Variants in TMEM232 observed in about 807,000 individuals in gnomAD.
TMEM232 encodes transmembrane protein 232.
In TMEM232, 80 loss-of-function variants were observed where a neutral mutation model predicts 78.8. The observed-to-expected ratio is 1.01, with a 90% CI of 0.85 to 1.22. The LOEUF (loss-of-function observed/expected upper bound fraction) is 1.22, where lower values mean the gene tolerates loss of function less well. TMEM232 is among the 50% of genes most tolerant of loss of function. TMEM232 has a pLI of 0.00. For missense variants in TMEM232, 881 were observed against 742.2 expected (o/e 1.19, Z -2.17); for synonymous variants, 297 against 254.3 (o/e 1.17, Z -1.60).
intron 11 of TMEM232, among the ~76,000 whole-genome samples, chr5:110,531,438 G>A (rs75966920): frequency 6.6e-6 from 1 of 152,080 alleles, no homozygotes; most frequent in South Asian, 2.1e-4. Flanking sequence ...TCCTCATACC[G>A]ACCAGCCCAA....
intron 1 of TMEM232, among the ~76,000 whole-genome samples, chr5:110,722,548 G>C (rs986802452): frequency 1.3e-5 from 2 of 152,172 alleles, no homozygotes; most frequent in Middle Eastern, 3.2e-3. Flanking sequence ...CGTCTCCTCA[G>C]AGCTTCCTGT....
At chr5:110,489,566 A>T (rs1216574253) in intron 12 of TMEM232, among the ~76,000 whole-genome samples, 1 of 152,150 alleles carries the variant, frequency 6.6e-6, no homozygotes, top group Non-Finnish European at 1.5e-5. Context: ...TAATGGTGAA[A>T]GACTGAAAGC....
chr5:110,726,001 T>G (rs1469280458), intron 1 of TMEM232, among the ~76,000 whole-genome samples: 3 of 152,006 alleles, frequency 2.0e-5, no homozygotes, highest in Non-Finnish European at 4.4e-5. Context: ...TACAGTCTTA[T>G]CCCCTCCTAG....
intron 12 of TMEM232, among the ~76,000 whole-genome samples, chr5:110,441,651 A>G (rs1346813093): frequency 1.3e-5 from 2 of 152,178 alleles, no homozygotes; most frequent in Admixed American, 1.3e-4. Flanking sequence ...CTTACTAGCT[A>G]ACTCTTAATT....
chr5:110,442,482 A>T (rs1580698612), intron 12 of TMEM232, among the ~76,000 whole-genome samples: 2 of 151,934 alleles, frequency 1.3e-5, no homozygotes, highest in Non-Finnish European at 2.9e-5. Flanking sequence ...AAATAATTTC[A>T]ATCTTTTTGT....
intron 1 of TMEM232, among the ~76,000 whole-genome samples, chr5:110,695,952 AT>A (rs975351524): frequency 2.6e-5 from 4 of 152,344 alleles, no homozygotes; most frequent in African/African-American, 9.6e-5. Context: ...AACTCATTTT[AT>A]GAGGCCAGCA....
chr5:110,662,322 A>G (rs1789912700), intron 2 of TMEM232, among the ~76,000 whole-genome samples: 2 of 152,156 alleles, frequency 1.3e-5, no homozygotes, highest in Non-Finnish European at 2.9e-5. Context: ...CAATACCTAT[A>G]TGAAAAAAGC....
chr5:110,409,149 G>C (rs1755899525), intron 2 of TMEM232, among the ~76,000 whole-genome samples: 1 of 152,180 alleles, frequency 6.6e-6, no homozygotes. Context: ...AAACAAATAT[G>C]AAGTGGCAGG....
chr5:110,472,098 G>A (rs1480340067), intron 12 of TMEM232, among the ~76,000 whole-genome samples: 1 of 151,926 alleles, frequency 6.6e-6, no homozygotes, highest in African/African-American at 2.4e-5. Flanking sequence ...TAGGAAAGGA[G>A]GAAGTCGAAC....
intron 2 of TMEM232, among the ~76,000 whole-genome samples, chr5:110,655,607 G>T (rs1266179700): frequency 6.8e-6 from 1 of 148,120 alleles, no homozygotes; most frequent in African/African-American, 2.5e-5. Context: ...ACATGCACAC[G>T]TATGTTTATT....
At chr5:110,571,464 A>G (rs1346992483) in intron 10 of TMEM232, among the ~76,000 whole-genome samples, 1 of 151,894 alleles carries the variant, frequency 6.6e-6, no homozygotes, top group Non-Finnish European at 1.5e-5. Flanking sequence ...TTATACAGAC[A>G]GAGAAGGGAA....
chr5:110,507,617 T>A (rs1392031148), intron 12 of TMEM232, among the ~76,000 whole-genome samples: 2 of 152,228 alleles, frequency 1.3e-5, no homozygotes, highest in African/African-American at 2.4e-5. Flanking sequence ...ATCACCTTGC[T>A]GACTGTTAAC....
intron 13 of TMEM232, among the ~76,000 whole-genome samples, chr5:110,421,256 C>T (rs143328781): frequency 3.3e-5 from 5 of 151,976 alleles, no homozygotes; most frequent in Admixed American, 2.6e-4. Flanking sequence ...AAGAATTTAT[C>T]TTAATTGGCC....
At chr5:110,524,852 T>G (rs1770335914) in intron 12 of TMEM232, among the ~76,000 whole-genome samples, 1 of 152,134 alleles carries the variant, frequency 6.6e-6, no homozygotes, top group Non-Finnish European at 1.5e-5. Flanking sequence ...TTTATAATTG[T>G]TATATCTTTC....
chr5:110,490,173 G>GAAAGAAAGAAAGAAAGAAAT (rs1764917737), intron 12 of TMEM232, among the ~76,000 whole-genome samples: 17 of 126,452 alleles, frequency 1.3e-4, no homozygotes, highest in African/African-American at 5.7e-4. Context: ...AAGAAAGAAA[G>GAAAGAAAGAAAGAAAGAAAT]AAAGAAAGAA....
chr5:110,732,086 GC>G (rs1368737865), intron 2 of TMEM232, among the ~76,000 whole-genome samples: 1 of 152,118 alleles, frequency 6.6e-6, no homozygotes, highest in Non-Finnish European at 1.5e-5. Context: ...AAGGCAAAAT[GC>G]CACTAGTCTC....
chr5:110,623,774 C>T (rs941911392), intron 7 of TMEM232, among the ~76,000 whole-genome samples: 2 of 151,986 alleles, frequency 1.3e-5, no homozygotes, highest in Non-Finnish European at 2.9e-5. Flanking sequence ...AAAAGAAGGT[C>T]AATAAACCTG....
intron 1 of TMEM232, among the ~76,000 whole-genome samples, chr5:110,724,554 T>G (rs1050071766): frequency 6.6e-6 from 1 of 152,230 alleles, no homozygotes; most frequent in South Asian, 2.1e-4. Context: ...CTCAATTCCA[T>G]GCTCTCTATA....
intron 2 of TMEM232, among the ~76,000 whole-genome samples, chr5:110,412,251 C>T (rs1046235656): frequency 6.6e-6 from 1 of 152,186 alleles, no homozygotes; most frequent in Non-Finnish European, 1.5e-5. Context: ...TTGTTTTATC[C>T]AGCCTCTGAC....
Sources: allele counts gnomAD v4.1 joint callset (sites outside exome capture counted in the v4.1 genomes callset), GRCh38; gene constraint gnomAD v4.1.1; transcripts MANE v1.5; gene names NCBI Gene and HGNC (gene_info 2026-07-23, HGNC 2026-07-21).